The following GABRB1 variants were observed in gnomAD, a reference collection of about 807,000 sequenced individuals.
GABRB1 encodes gamma-aminobutyric acid receptor subunit beta-1.
A neutral mutation model predicts 51.6 loss-of-function variants in GABRB1; 17 were observed. The ratio of observed to expected loss-of-function variants is 0.33; its 90% CI spans 0.23 to 0.49. GABRB1 has a LOEUF of 0.49. GABRB1 is among the 20% of genes least tolerant of loss of function. The pLI is 0.99. For synonymous variants in GABRB1, 247 were observed against 218.9 expected (o/e 1.13, Z -1.14); for missense variants, 410 against 600.6 (o/e 0.68, Z 3.32).
chr4:47,299,568 A>G (rs951025340), intron 4 of GABRB1, among the ~76,000 whole-genome samples: 5 of 152,214 alleles, frequency 3.3e-5, no homozygotes, highest in African/African-American at 1.2e-4. Flanking sequence ...TAGAATGACC[A>G]TCATTCAAAA....
At chr4:47,008,385 T>C (rs961658263) in intron 1 of GABRB1, among the ~76,000 whole-genome samples, 3 of 152,046 alleles carry the variant, frequency 2.0e-5, no homozygotes, top group African/African-American at 7.2e-5. Flanking sequence ...GAGTAGAAAG[T>C]TTGTGTTAGA....
intron 5 of GABRB1, among the ~76,000 whole-genome samples, chr4:47,331,665 A>G (rs1346205737): frequency 6.6e-6 from 1 of 152,172 alleles, no homozygotes; most frequent in Non-Finnish European, 1.5e-5. Context: ...CACATTTTAT[A>G]CAGGAACTTT....
chr4:47,386,312 A>G (rs1364765620), intron 5 of GABRB1, among the ~76,000 whole-genome samples: 1 of 152,170 alleles, frequency 6.6e-6, no homozygotes. Flanking sequence ...AAAATCACAT[A>G]TATATTTATT....
intron 4 of GABRB1, among the ~76,000 whole-genome samples, chr4:47,257,681 A>G (rs1338074390): frequency 6.6e-6 from 1 of 152,018 alleles, no homozygotes; most frequent in East Asian, 1.9e-4. Flanking sequence ...AAATCAAGGA[A>G]AGCTAAGAGT....
intron 4 of GABRB1, among the ~76,000 whole-genome samples, chr4:47,308,343 C>T (rs1403081453): frequency 1.3e-5 from 2 of 151,990 alleles, no homozygotes; most frequent in Non-Finnish European, 2.9e-5. Flanking sequence ...AGCATTTCTC[C>T]ACTAATTTCA....
intron 3 of GABRB1, among the ~76,000 whole-genome samples, chr4:47,103,117 A>T (rs1208830013): frequency 6.6e-6 from 1 of 152,010 alleles, no homozygotes; most frequent in East Asian, 1.9e-4. Context: ...GGGAGAAAGT[A>T]AGTTGACTTT....
chr4:47,125,477 T>G lies in GABRB1; in HGVS notation c.241-35772T>G, dbSNP rs576431352. Among the ~76,000 whole-genome samples, 31 of 151,768 alleles carry G rather than the reference T, an allele frequency of 2.0e-4. No individual in the cohort carries two copies. In the South Asian group the frequency reaches 6.2e-3, roughly 31 times the overall value. ...TAATGGGGCATATATTATTTAAACT[T>G]TAGTATAAAAATTAAAAGATAAAAT... On this transcript the variant is annotated intron_variant, in intron 3 of 8. Coordinates refer to ENST00000295454, the MANE Select transcript of GABRB1 (RefSeq NM_000812.4).
At position 47,421,455 on chromosome 4, in the gene GABRB1, C is replaced by A. The variant is rs565145679; in HGVS notation, c.1081-4219C>A. 1.1e-3 allele frequency among the ~76,000 whole-genome samples: 164 copies of A among 151,992 alleles called. 1 individual carries two copies. Among genetic ancestry groups the A allele is most frequent in the Non-Finnish European group, 1.8e-3 (121 of 67,970 alleles). On this transcript the variant is annotated intron_variant, in intron 8 of 8. Transcript: ENST00000295454. ...GTGCAGATCAGGTGATTCCATTTTA[C>A]AAGCATTTTTTCAGAATGCTATGTC...
intron 1 of GABRB1, among the ~76,000 whole-genome samples, chr4:46,995,562 G>A (rs1229152642): frequency 6.6e-6 from 1 of 152,024 alleles, no homozygotes; most frequent in Non-Finnish European, 1.5e-5. Context: ...TGGGGGCTCT[G>A]CGATGTCACC....
intron 4 of GABRB1, among the ~76,000 whole-genome samples, chr4:47,194,931 C>T (rs1553922513): frequency 6.6e-6 from 1 of 152,184 alleles, no homozygotes; most frequent in Non-Finnish European, 1.5e-5. Flanking sequence ...CAATTTAATA[C>T]ATAATTGCTA....
chr4:47,082,370 C>T (rs1355056147), intron 3 of GABRB1, among the ~76,000 whole-genome samples: 2 of 152,032 alleles, frequency 1.3e-5, no homozygotes, highest in African/African-American at 2.4e-5. Flanking sequence ...TGCCTCTGAC[C>T]TGCTCTCTTT....
chr4:47,300,704 C>T (rs990092575), intron 4 of GABRB1, among the ~76,000 whole-genome samples: 1 of 152,008 alleles, frequency 6.6e-6, no homozygotes, highest in African/African-American at 2.4e-5. Flanking sequence ...GATACAGGCA[C>T]AAAGACACTT....
chr4:47,281,209 A>G (rs1054036702), intron 4 of GABRB1, among the ~76,000 whole-genome samples: 7 of 152,198 alleles, frequency 4.6e-5, no homozygotes, highest in Non-Finnish European at 1.5e-5. Context: ...GAGGAAACAA[A>G]TAATCTGATT....
At position 47,160,609 on chromosome 4, in the gene GABRB1, T is replaced by C. The variant is rs145019178; in HGVS notation, c.241-640T>C. Among the ~76,000 whole-genome samples, 418 of 152,214 alleles carry C rather than the reference T, an allele frequency of 2.7e-3. 3 individuals carry two copies. The highest frequency in any genetic ancestry group is 9.1e-3 in the African/African-American group (377 of 41,566). ...GTCCAGAGGTCAATGTTTGTGAACA[T>C]AGATTCCTCTGTACAATTTCTCTTT... On this transcript the variant is annotated intron_variant, in intron 3 of 8. Transcript: ENST00000295454.
At chr4:47,106,794 T>C (rs1488843279) in intron 3 of GABRB1, among the ~76,000 whole-genome samples, 4 of 152,118 alleles carry the variant, frequency 2.6e-5, no homozygotes, top group African/African-American at 9.7e-5. Context: ...AGCAGACCTG[T>C]CCTACAATAA....
chr4:47,328,303 G>A (rs1205978618), intron 5 of GABRB1, among the ~76,000 whole-genome samples: 8 of 152,086 alleles, frequency 5.3e-5, no homozygotes, highest in Admixed American at 1.3e-4. Context: ...CTGTGCAGAA[G>A]CTCTTTAGTT....
chr4:47,303,049 T>C (rs567088592), intron 4 of GABRB1, among the ~76,000 whole-genome samples: 1 of 152,046 alleles, frequency 6.6e-6, no homozygotes, highest in East Asian at 1.9e-4. Context: ...GGGGTTTGTT[T>C]TGTTGTTTTT....
At chr4:47,368,663 C>T (rs570371070) in intron 5 of GABRB1, among the ~76,000 whole-genome samples, 18 of 152,140 alleles carry the variant, frequency 1.2e-4, no homozygotes, top group Admixed American at 1.2e-3. Context: ...TGTTTTTTCC[C>T]TCATACTTTA....
chr4:47,152,430 G>T (rs1197752771), intron 3 of GABRB1, among the ~76,000 whole-genome samples: 1 of 151,974 alleles, frequency 6.6e-6, no homozygotes, highest in Non-Finnish European at 1.5e-5. Context: ...GGTAAGTGCT[G>T]CAATCAAAGT....
Sources: allele counts gnomAD v4.1 joint callset (sites outside exome capture counted in the v4.1 genomes callset), GRCh38; gene constraint gnomAD v4.1.1; transcripts MANE v1.5; gene names NCBI Gene and HGNC (gene_info 2026-07-23, HGNC 2026-07-21).